Variants in TMEM132D observed in about 807,000 individuals in gnomAD.
The protein encoded by TMEM132D is transmembrane protein 132D.
Under a neutral mutation model 62.3 loss-of-function variants are expected in TMEM132D, and 21 were observed. The observed-to-expected ratio is 0.34, with a 90% CI of 0.24 to 0.49. TMEM132D has a LOEUF of 0.49. TMEM132D is among the 20% of genes least tolerant of loss of function. The probability of loss-of-function intolerance (pLI) is 0.99; values close to 1 mark genes in which losing one functional copy is unlikely to be tolerated. For synonymous variants in TMEM132D, 621 were observed against 575.6 expected (o/e 1.08, Z -1.13); for missense variants, 1,346 against 1,402.8 (o/e 0.96, Z 0.65).
intron 5 of TMEM132D, among the ~76,000 whole-genome samples, chr12:129,133,091 C>T (rs576875675): frequency 6.6e-6 from 1 of 152,332 alleles, no homozygotes; most frequent in South Asian, 2.1e-4. Flanking sequence ...TCAGGCTGTG[C>T]TGCAGTCGGG....
chr12:129,585,921 G>A (rs948668886), intron 2 of TMEM132D, among the ~76,000 whole-genome samples: 6 of 150,460 alleles, frequency 4.0e-5, no homozygotes, highest in Admixed American at 2.7e-4. Context: ...TTTGGGAGGG[G>A]GAAAAGAAAA....
chr12:129,417,817 A>G (rs1872175719), intron 3 of TMEM132D, among the ~76,000 whole-genome samples: 1 of 152,216 alleles, frequency 6.6e-6, no homozygotes, highest in South Asian at 2.1e-4. Context: ...ACAAAGGGCT[A>G]ATATCCAGAA....
chr12:129,564,903 T>C (rs1877327505), intron 2 of TMEM132D, among the ~76,000 whole-genome samples: 1 of 152,026 alleles, frequency 6.6e-6, no homozygotes, highest in Admixed American at 6.6e-5. Flanking sequence ...ACTGTTGGAG[T>C]AGGCAGATGA....
chr12:129,660,049 C>T (rs142902588), intron 2 of TMEM132D, among the ~76,000 whole-genome samples: 1 of 152,110 alleles, frequency 6.6e-6, no homozygotes, highest in Non-Finnish European at 1.5e-5. Context: ...CATCTCTATT[C>T]CCTGGAAAGG....
At chr12:129,464,953 G>A (rs562305160) in intron 3 of TMEM132D, among the ~76,000 whole-genome samples, 27 of 142,748 alleles carry the variant, frequency 1.9e-4, no homozygotes, top group African/African-American at 4.2e-4. Flanking sequence ...TTGGCAATGC[G>A]GGCTCTTTTT....
intron 3 of TMEM132D, among the ~76,000 whole-genome samples, chr12:129,355,550 C>G (rs1201719359): frequency 6.6e-6 from 1 of 152,156 alleles, no homozygotes; most frequent in Admixed American, 6.5e-5. Flanking sequence ...GAAGGCGAAT[C>G]TAGTATCTGA....
chr12:129,516,346 T>A (rs1875674105), intron 3 of TMEM132D, among the ~76,000 whole-genome samples: 1 of 152,224 alleles, frequency 6.6e-6, no homozygotes, highest in Non-Finnish European at 1.5e-5. Flanking sequence ...TGTATTAGTC[T>A]GTTTTCATGC....
At chr12:129,406,750 T>C (rs34176908) in intron 3 of TMEM132D, among the ~76,000 whole-genome samples, 22,686 of 152,192 alleles carry the variant, frequency 0.15, 2,091 homozygotes, top group Non-Finnish European at 0.21. Context: ...CTATGCCTTG[T>C]GTAATTAAAT....
At chr12:129,643,165 C>T (rs1055867992) in intron 2 of TMEM132D, among the ~76,000 whole-genome samples, 1 of 152,050 alleles carries the variant, frequency 6.6e-6, no homozygotes, top group African/African-American at 2.4e-5. Context: ...CCTCGTGATC[C>T]ACCCACCTCA....
At chr12:129,327,360 C>G (rs1783515092) in intron 4 of TMEM132D, among the ~76,000 whole-genome samples, 1 of 152,246 alleles carries the variant, frequency 6.6e-6, no homozygotes, top group South Asian at 2.1e-4. Context: ...TTTCCCTGAT[C>G]CCCCCAGCCA....
chr12:129,576,668 C>T (rs1877669952), intron 2 of TMEM132D, among the ~76,000 whole-genome samples: 1 of 151,560 alleles, frequency 6.6e-6, no homozygotes, highest in South Asian at 2.1e-4. Context: ...GGGTGCCAAC[C>T]CAAACTCCCC....
chr12:129,688,349 C>A (rs568374168), intron 2 of TMEM132D, among the ~76,000 whole-genome samples: 1 of 152,274 alleles, frequency 6.6e-6, no homozygotes, highest in African/African-American at 2.4e-5. Context: ...ACTCCAGCTG[C>A]ACATAAGAAT....
intron 2 of TMEM132D, among the ~76,000 whole-genome samples, chr12:129,555,748 TAAAG>T (rs1275212775): frequency 6.6e-6 from 1 of 152,124 alleles, no homozygotes; most frequent in East Asian, 1.9e-4. Flanking sequence ...AAAATAAAAA[TAAAG>T]AAAACACTCA....
chr12:129,772,059 T>C (rs2137283663), intron 1 of TMEM132D, among the ~76,000 whole-genome samples: 1 of 152,014 alleles, frequency 6.6e-6, no homozygotes, highest in South Asian at 2.1e-4. Context: ...TGCCCAGAGG[T>C]ATGCCTTTTA....
intron 1 of TMEM132D, among the ~76,000 whole-genome samples, chr12:129,879,012 C>T (rs972885116): frequency 9.9e-5 from 15 of 152,212 alleles, no homozygotes; most frequent in African/African-American, 3.1e-4. Context: ...CTTCCCCTTC[C>T]ACTGTTTGAC....
chr12:129,547,850 GCA>G (rs1231236742), intron 2 of TMEM132D, among the ~76,000 whole-genome samples: 2 of 152,334 alleles, frequency 1.3e-5, no homozygotes, highest in African/African-American at 4.8e-5. Flanking sequence ...GTTCTCTGCA[GCA>G]CAGAGAGGTT....
At chr12:129,817,217 A>C (rs1593173322) in intron 1 of TMEM132D, among the ~76,000 whole-genome samples, 1 of 152,318 alleles carries the variant, frequency 6.6e-6, no homozygotes, top group East Asian at 1.9e-4. Flanking sequence ...TCATGCACTT[A>C]GTGTGTATTT....
chr12:129,478,314 A>G (rs1040788475), intron 3 of TMEM132D, among the ~76,000 whole-genome samples: 1 of 152,200 alleles, frequency 6.6e-6, no homozygotes. Flanking sequence ...AGGCTACATT[A>G]CATTTATATT....
At chr12:129,565,317 G>T (rs1196706523) in intron 2 of TMEM132D, among the ~76,000 whole-genome samples, 2 of 152,312 alleles carry the variant, frequency 1.3e-5, no homozygotes, top group African/African-American at 4.8e-5. Context: ...CAAAAGCAGG[G>T]ACTTGAGATA....
Sources: gnomAD v4.1 joint callset for allele counts (sites outside exome capture counted in the v4.1 genomes callset) on GRCh38, gnomAD v4.1.1 for gene constraint, MANE v1.5 for transcripts, NCBI Gene and HGNC (gene_info 2026-07-23, HGNC 2026-07-21) for gene names.